PCDHA9: variants seen among roughly 807,000 people sequenced by gnomAD.
PCDHA9 encodes the protein protocadherin alpha-9.
Under a neutral mutation model 62.0 loss-of-function variants are expected in PCDHA9, and 62 were observed. The ratio of observed to expected loss-of-function variants is 1.00; its 90% CI spans 0.81 to 1.23. The LOEUF is 1.23. Ranked by LOEUF, PCDHA9 falls within the 50% of genes most tolerant of loss-of-function variation. The pLI is 0.00. For synonymous variants in PCDHA9, 557 were observed against 567.6 expected, an observed-to-expected ratio of 0.98 and a Z score of 0.27; for missense variants, 1,205 against 1,249.8, an observed-to-expected ratio of 0.96 and a Z score of 0.54.
Position 140,917,329 on chromosome 5 carries a change from G to GT in PCDHA9, c.2395-61620_2395-61619insT, listed in dbSNP as rs1563018868. On this transcript the variant is annotated intron_variant, in intron 1 of 3. Coordinates refer to ENST00000532602, the MANE Select transcript of PCDHA9 (RefSeq NM_031857.2). ...ACAATTTGGTGTTCATGTGGCGGGG[G>GT]AGGGGGGGGATGGTGTAGGCTTCTG... is the stretch of plus-strand genomic sequence containing the variant. 5.6e-5 allele frequency among the ~76,000 whole-genome samples: 8 copies of GT among 143,930 alleles called. 1 individual carries two copies. The highest frequency in any genetic ancestry group is 9.1e-5 in the Non-Finnish European group (6 of 65,842). The allele number at this position is 143,930 out of a possible 152,430, so 94.4% of individuals were successfully genotyped here.
chr5:140,965,435 T>C (rs1327952223), intron 1 of PCDHA9, among the ~76,000 whole-genome samples: 1 of 151,992 alleles, frequency 6.6e-6, no homozygotes, highest in Non-Finnish European at 1.5e-5. Context: ...CTGCAGTCAT[T>C]GAAATTGCTG....
intron 1 of PCDHA9, among the ~76,000 whole-genome samples, chr5:140,914,270 ATATATT>A (rs1554196274): frequency 6.6e-6 from 1 of 152,146 alleles, no homozygotes; most frequent in Non-Finnish European, 1.5e-5. Context: ...GTGGGTGCAT[ATATATT>A]TATAATTGTT....
intron 3 of PCDHA9, among the ~76,000 whole-genome samples, chr5:141,000,351 GTCTC>G (rs1554257240): frequency 3.0e-5 from 2 of 66,862 alleles, no homozygotes. Flanking sequence ...CTCTCTCTCT[GTCTC>G]TCTCTGTCTC....
At chr5:140,899,402 G>C (rs1465071147) in intron 1 of PCDHA9, among the ~76,000 whole-genome samples, 20 of 152,122 alleles carry the variant, frequency 1.3e-4, no homozygotes, top group East Asian at 7.7e-4. Flanking sequence ...TAGCATGAAG[G>C]GTTGTTGAAT....
intron 1 of PCDHA9, among the ~76,000 whole-genome samples, chr5:140,939,634 G>C (rs1032922800): frequency 3.9e-5 from 6 of 152,066 alleles, no homozygotes; most frequent in African/African-American, 7.2e-5. Context: ...AATCAATAAG[G>C]GTACTGAAAA....
At position 140,854,896 on chromosome 5, in the gene PCDHA9, G is replaced by A. The variant is rs181663374; in HGVS notation, c.2394+4007G>A. Among the ~76,000 whole-genome samples, 38 of 149,756 alleles carry A rather than the reference G, an allele frequency of 2.5e-4. 1 individual carries two copies. Among genetic ancestry groups the A allele is most frequent in the African/African-American group, 4.6e-4 (19 of 40,968 alleles). On this transcript the variant is annotated intron_variant, in intron 1 of 3. Coordinates refer to ENST00000532602, the MANE Select transcript of PCDHA9 (RefSeq NM_031857.2). ...TGTGTCTTTTGGGCATTTGAAAAGC[G>A]TAAATATAACAGGGTTGAAAGCATT...
intron 1 of PCDHA9, among the ~76,000 whole-genome samples, chr5:140,961,096 G>A (rs1040764862): frequency 3.9e-5 from 6 of 152,222 alleles, no homozygotes; most frequent in Admixed American, 3.3e-4. Flanking sequence ...TGACTTTTTG[G>A]TCACCCAACC....
At chr5:140,912,209 G>T (rs1027468350) in intron 1 of PCDHA9, among the ~76,000 whole-genome samples, 8 of 152,158 alleles carry the variant, frequency 5.3e-5, no homozygotes, top group Non-Finnish European at 7.3e-5. Context: ...ATTGAGGGTA[G>T]ATCTGCCTTT....
At chr5:140,893,498 A>G (rs1471386820) in intron 1 of PCDHA9, among the ~76,000 whole-genome samples, 2 of 151,410 alleles carry the variant, frequency 1.3e-5, no homozygotes, top group Admixed American at 6.6e-5. Flanking sequence ...CACAAAAAAG[A>G]AAAAAAAAGC....
chr5:140,920,277 T>C (rs1275415444), intron 1 of PCDHA9, among the ~76,000 whole-genome samples: 1 of 152,230 alleles, frequency 6.6e-6, no homozygotes, highest in African/African-American at 2.4e-5. Context: ...TTATGTAATC[T>C]TATATTTTTT....
chr5:140,967,340 C>G, intron 1 of PCDHA9: 1 of 1,607,862 alleles, frequency 6.2e-7, no homozygotes. Flanking sequence ...CCCCAGCGAG[C>G]ACTTCGAGCT....
At chr5:140,992,271 T>C (rs1375901464) in intron 3 of PCDHA9, among the ~76,000 whole-genome samples, 1 of 152,184 alleles carries the variant, frequency 6.6e-6, no homozygotes, top group African/African-American at 2.4e-5. Flanking sequence ...GTTCTTTTCG[T>C]AGCACATCCC....
chr5:140,848,605 A>G lies in PCDHA9; in HGVS notation c.110A>G (p.Glu37Gly). Residue 37 changes from glutamate (E) to glycine (G), a missense_variant, in exon 1 of 4, where the codon GAG becomes GGG. Physicochemically the swap from Glu to Gly is moderately conservative, Grantham distance 98. This residue lies in a region of PCDHA9 where 208 missense variants were observed against 213.2 expected (regional missense o/e 0.98). Coordinates refer to ENST00000532602, the MANE Select transcript of PCDHA9 (RefSeq NM_031857.2). ...GSGQLHYSVP[E>G]EAEHGTFVGR... is the part of the protein sequence containing the mutation. ...GGCCAGCTCCACTACTCCGTCCCGG[A>G]GGAAGCCGAACACGGCACCTTCGTG... 4 of 1,593,610 alleles carry G rather than the reference A, an allele frequency of 2.5e-6. No individual in the cohort carries two copies. The highest frequency in any genetic ancestry group is 2.7e-5 in the African/African-American group (2 of 74,496).
chr5:140,850,103 C>A lies in PCDHA9; in HGVS notation c.1608C>A (p.Ser536Arg), dbSNP rs2150467019. Residue 536 changes from serine to arginine, a missense_variant, in exon 1 of 4, where the codon AGC becomes AGA. Physicochemically the swap from Ser to Arg is moderately radical, Grantham distance 110. Transcript: ENST00000532602. ...EELELLQFQV[S>R]ARDAGVPPLG... Reference sequence around the variant, plus strand: ...TGGAGCTGCTACAGTTCCAGGTGAGCGCGCGCGACGCGGGCGTGCCGCCTC... The same window carrying A: ...TGGAGCTGCTACAGTTCCAGGTGAGAGCGCGCGACGCGGGCGTGCCGCCTC... The A allele has an allele frequency of 1.7e-5, 27 of 1,595,988 alleles. 3 individuals are homozygous for A. The highest frequency in any genetic ancestry group is 2.2e-5 in the East Asian group (1 of 44,852).
At chr5:140,986,508 G>T (rs1043049646) in intron 3 of PCDHA9, among the ~76,000 whole-genome samples, 26 of 152,184 alleles carry the variant, frequency 1.7e-4, no homozygotes, top group African/African-American at 5.3e-4. Context: ...TAAAAGGACT[G>T]CCCCTGCCTG....
chr5:140,857,226 C>G, intron 1 of PCDHA9: 2 of 1,598,494 alleles, frequency 1.3e-6, no homozygotes, highest in Non-Finnish European at 1.7e-6. Context: ...CCTCACGTTC[C>G]GTTCAAGCTG....
chr5:140,881,625 A>G (rs2058773266), intron 1 of PCDHA9, among the ~76,000 whole-genome samples: 1 of 152,210 alleles, frequency 6.6e-6, no homozygotes, highest in African/African-American at 2.4e-5. Context: ...AAAATCTGAT[A>G]TATCAGTTAC....
At chr5:140,852,307 G>A (rs2042297271) in intron 1 of PCDHA9, 5 of 377,800 alleles carry the variant, frequency 1.3e-5, no homozygotes, top group African/African-American at 2.2e-5. Context: ...AGACGGAGTC[G>A]TTTTCTGCCA....
At chr5:140,937,507 C>G (rs1427417860) in intron 1 of PCDHA9, among the ~76,000 whole-genome samples, 1 of 152,106 alleles carries the variant, frequency 6.6e-6, no homozygotes, top group Non-Finnish European at 1.5e-5. Context: ...ATCCCAGCTA[C>G]TCAGGAGGCT....
Sources: allele counts gnomAD v4.1 joint callset (sites outside exome capture counted in the v4.1 genomes callset), GRCh38; gene constraint gnomAD v4.1.1; regional missense constraint gnomAD v4.1.1; transcripts MANE v1.5; gene names NCBI Gene and HGNC (gene_info 2026-07-23, HGNC 2026-07-21).